Variants in GRK6 observed in about 807,000 individuals in gnomAD.
The protein encoded by GRK6 is G protein-coupled receptor kinase 6.
GRK6 carries 37 observed loss-of-function variants against 80.8 expected under a neutral mutation model. That is an observed-to-expected ratio of 0.46 (90% CI 0.35 to 0.60). The LOEUF (loss-of-function observed/expected upper bound fraction) is 0.60, where lower values mean the gene tolerates loss of function less well. GRK6 is among the 20% of genes least tolerant of loss of function. The pLI, the probability that GRK6 is intolerant of heterozygous loss-of-function variation, is 0.00. For missense variants in GRK6, 560 were observed against 784.6 expected, an observed-to-expected ratio of 0.71 and a Z score of 3.42; for synonymous variants, 295 against 320.9, an observed-to-expected ratio of 0.92 and a Z score of 0.86.
chr5:177,431,945 C>A (rs781425302), intron 2 of GRK6, 50 bp from the exon 3 acceptor site: 1 of 1,512,854 alleles, frequency 6.6e-7, no homozygotes, highest in Non-Finnish European at 9.2e-7. Flanking sequence ...ACATGCCCCA[C>A]CCATGTGCTC....
rs143507108 is a variant in GRK6, at chr5:177,440,315, G to A, written c.1405-385G>A. Among the ~76,000 whole-genome samples, 884 of 152,336 alleles carry A rather than the reference G, an allele frequency of 5.8e-3. 6 individuals are homozygous for A. The highest frequency in any genetic ancestry group is 8.6e-3 in the Admixed American group (131 of 15,300). ...CAAGTCCCAGGTCATCGCAGGGCGGGGAGCCAGGGAGTCACCAGCTCCAGG... is the reference window on the plus strand; with the variant it reads ...CAAGTCCCAGGTCATCGCAGGGCGGAGAGCCAGGGAGTCACCAGCTCCAGG... On this transcript the variant is annotated intron_variant, in intron 13 of 15. Coordinates refer to ENST00000355472, the MANE Select transcript of GRK6 (RefSeq NM_001004106.3).
At chr5:177,434,135 A>C (rs1561656096) in intron 9 of GRK6, 31 bp downstream of exon 9, 1 of 1,507,166 alleles carries the variant, frequency 6.6e-7, no homozygotes, top group African/African-American at 1.4e-5. Flanking sequence ...CCAGGGGCTT[A>C]GTCCTTCCCT....
intron 5 of GRK6, 108 bp from the exon 6 acceptor site, chr5:177,433,039 C>A: frequency 1.0e-6 from 1 of 1,004,172 alleles, no homozygotes; most frequent in Non-Finnish European, 1.6e-6. Flanking sequence ...TGGCCGACGA[C>A]GATACCTGTG....
intron 1 of GRK6, among the ~76,000 whole-genome samples, chr5:177,427,173 G>A (rs1763707464): frequency 6.6e-6 from 1 of 152,178 alleles, no homozygotes. Context: ...GGAAGGGTGG[G>A]ACCGGAGCCC....
Position 177,432,766 on chromosome 5 carries a change from G to T in GRK6, c.400G>T (p.Glu134Ter). ...GGTGACGAACTGCACCCAGCGGCTG[G>T]AGCAGGGTCCCTGCAAAGACCTTTT... ...QLVTNCTQRL[E>*]QGPCKDLFQE... Residue 134 changes from glutamate (E) to a stop codon, truncating the protein, a stop_gained, in exon 5 of 16, where the codon GAG (glutamate) becomes TAG (stop). Coordinates refer to ENST00000355472, the MANE Select transcript of GRK6 (RefSeq NM_001004106.3). LOFTEE classifies it high-confidence loss of function. 6.2e-7 allele frequency: 1 copy of T among 1,612,540 alleles called. No individual in the cohort carries two copies. The highest frequency in any genetic ancestry group is 8.5e-7 in the Non-Finnish European group (1 of 1,179,540).
chr5:177,431,020 CG>C, intron 2 of GRK6, 53 bp downstream of exon 2: 7 of 1,490,762 alleles, frequency 4.7e-6, no homozygotes, highest in South Asian at 1.2e-5. Context: ...CTGCTGGGGC[CG>C]GGGGAGCCTC....
chr5:177,437,730 T>C (rs546888867), intron 13 of GRK6, among the ~76,000 whole-genome samples: 26 of 152,350 alleles, frequency 1.7e-4, no homozygotes, highest in South Asian at 1.2e-3. Context: ...TCCCTCCCCC[T>C]GAATTAGGCT....
chr5:177,441,341 A>G, intron 15 of GRK6: 1 of 1,512,312 alleles, frequency 6.6e-7, no homozygotes, highest in South Asian at 1.2e-5. Flanking sequence ...TGTGGGAGAA[A>G]GAAGTCTGGT....
At position 177,434,030 on chromosome 5, in the gene GRK6, A is replaced by G. The variant is rs1764027221; in HGVS notation, c.855A>G (p.Glu285=). 1 of 1,612,018 alleles carries G rather than the reference A, an allele frequency of 6.2e-7. No individual in the cohort carries two copies. The highest frequency in any genetic ancestry group is 8.5e-7 in the Non-Finnish European group (1 of 1,179,344). Reference sequence around the variant, plus strand: ...ACATGGGCCAGGCTGGCTTCCCCGAAGCGCGGGCCGTCTTCTACGCCGCCG... The same window carrying G: ...ACATGGGCCAGGCTGGCTTCCCCGAGGCGCGGGCCGTCTTCTACGCCGCCG... ...IYHMGQAGFP[E]ARAVFYAAEI... is the part of the protein sequence containing the mutation. The change falls in exon 9 of 16, where the codon GAA becomes GAG. Residue 285 remains glutamate (E), a synonymous_variant. Coordinates refer to ENST00000355472, the MANE Select transcript of GRK6 (RefSeq NM_001004106.3).
chr5:177,432,651 G>C (rs1350588692), intron 4 of GRK6, 55 bp from the exon 5 acceptor site: 14 of 1,250,582 alleles, frequency 1.1e-5, no homozygotes, highest in Middle Eastern at 1.9e-4. Flanking sequence ...TCCCCTGGAA[G>C]TGGGCAGCCA....
At chr5:177,432,849 G>C in intron 5 of GRK6, 43 bp downstream of exon 5, 1 of 1,450,940 alleles carries the variant, frequency 6.9e-7, no homozygotes, top group South Asian at 1.2e-5. Flanking sequence ...ATGCCCAGCG[G>C]AGGGGGCTTC....
At chr5:177,439,194 C>T (rs1366356490) in intron 13 of GRK6, among the ~76,000 whole-genome samples, 1 of 152,192 alleles carries the variant, frequency 6.6e-6, no homozygotes, top group African/African-American at 2.4e-5. Context: ...TTTAACAGCT[C>T]TATTGAGTTT....
chr5:177,428,533 T>G lies in GRK6; in HGVS notation c.52+1636T>G, dbSNP rs888836685. 2.0e-5 allele frequency among the ~76,000 whole-genome samples: 3 copies of G among 152,228 alleles called. No individual in the cohort carries two copies. The highest frequency in any genetic ancestry group is 1.3e-4 in the Admixed American group (2 of 15,288). On this transcript the variant is annotated intron_variant, in intron 1 of 15. Transcript: ENST00000355472. The surrounding 1 kb of genome is among the most constrained non-coding windows in gnomAD (Gnocchi z 4.1). Reference sequence around the variant, plus strand: ...CCTGGGTTCAAGTGACTCTCCTCCCTCAGCCTCCCAAGTAGCTGGGACTAC... The same window carrying G: ...CCTGGGTTCAAGTGACTCTCCTCCCGCAGCCTCCCAAGTAGCTGGGACTAC...
chr5:177,433,835 C>T, intron 8 of GRK6, 79 bp from the exon 9 acceptor site: 11 of 1,489,484 alleles, frequency 7.4e-6, no homozygotes, highest in African/African-American at 1.4e-5. Flanking sequence ...GGAGTGGCAC[C>T]GAGAAGGCTT....
intron 15 of GRK6, 84 bp downstream of exon 15, chr5:177,441,137 G>C (rs766126782): frequency 6.5e-7 from 1 of 1,543,468 alleles, no homozygotes; most frequent in South Asian, 1.2e-5. Context: ...GCCCGCATGC[G>C]CTGGGAGTGG....
chr5:177,426,777 C>A lies in GRK6; in HGVS notation c.-69C>A. 1 of 892,830 alleles carries A rather than the reference C, an allele frequency of 1.1e-6. No homozygotes were observed. The highest frequency in any genetic ancestry group is 5.1e-5 in the South Asian group (1 of 19,796). The allele number at this position is 892,830 out of a possible 1,614,324, so 55.3% of individuals were successfully genotyped here. On this transcript the variant is annotated 5_prime_UTR_variant, in exon 1 of 16. Transcript: ENST00000355472. The stretch of plus-strand genomic sequence containing the variant: ...CGCGCCGAGCCGCGCCGATCGCCAT[C>A]CGGCCTCGGCACTCGCGCGCGATCC...
chr5:177,430,794 G>A lies in GRK6; in HGVS notation c.53-78G>A, dbSNP rs375939287. On this transcript the variant is annotated intron_variant, in intron 1 of 15. Coordinates refer to ENST00000355472, the MANE Select transcript of GRK6 (RefSeq NM_001004106.3). ...GCTCTGCCTTGGCTGGGCCCTAGAGGCCGTGGACCGCACTGAGGACCCAGA... is the reference window on the plus strand; with the variant it reads ...GCTCTGCCTTGGCTGGGCCCTAGAGACCGTGGACCGCACTGAGGACCCAGA... The A allele has an allele frequency of 1.0e-4, 133 of 1,277,330 alleles. No homozygotes were observed. The East Asian group carries it at 2.1e-3, about 20-fold the overall frequency. The allele number at this position is 1,277,330 out of a possible 1,614,324, so 79.1% of individuals were successfully genotyped here. A position where few individuals can be genotyped will look rare whatever the true frequency, so the allele number is the denominator to read the frequency against.
intron 5 of GRK6, 80 bp downstream of exon 5, chr5:177,432,886 T>A (rs1242235786): frequency 2.5e-6 from 3 of 1,178,148 alleles, no homozygotes; most frequent in Non-Finnish European, 3.7e-6. Context: ...TGTGAACAGC[T>A]CGGTGGCTGG....
intron 13 of GRK6, 138 bp from the exon 14 acceptor site, chr5:177,440,562 G>A: frequency 2.0e-6 from 2 of 1,002,172 alleles, no homozygotes; most frequent in South Asian, 1.6e-5. Context: ...AAGTGCGTGG[G>A]GCACCTGGTT....
Sources: gnomAD v4.1 joint callset for allele counts (sites outside exome capture counted in the v4.1 genomes callset) on GRCh38, gnomAD v4.1.1 for gene constraint, Gnocchi (gnomAD v3.1) non-coding constraint, MANE v1.5 for transcripts, NCBI Gene and HGNC (gene_info 2026-07-23, HGNC 2026-07-21) for gene names.